PLXDC2: variants seen among roughly 807,000 people sequenced by gnomAD.
The protein encoded by PLXDC2 is plexin domain containing 2, also known as plexin domain-containing protein 2.
A neutral mutation model predicts 68.9 loss-of-function variants in PLXDC2; 40 were observed. The ratio of observed to expected loss-of-function variants is 0.58; its 90% CI spans 0.45 to 0.76. The LOEUF (loss-of-function observed/expected upper bound fraction) is 0.76. Among genes scored for constraint, PLXDC2 ranks in the 30% least tolerant of loss-of-function variants. The pLI is 0.00. For synonymous variants in PLXDC2, 243 were observed against 234.2 expected (o/e 1.04, Z -0.34); for missense variants, 644 against 661.9 (o/e 0.97, Z 0.30).
chr10:19,842,184 T>C (rs758503355), intron 1 of PLXDC2, among the ~76,000 whole-genome samples: 1 of 152,050 alleles, frequency 6.6e-6, no homozygotes, highest in Non-Finnish European at 1.5e-5. Context: ...AGGCTGAGAA[T>C]TGACAAGGAG....
intron 1 of PLXDC2, among the ~76,000 whole-genome samples, chr10:19,955,168 G>A (rs372580045): frequency 8.3e-5 from 12 of 144,548 alleles, no homozygotes; most frequent in East Asian, 2.1e-4. Flanking sequence ...TGGGACTATC[G>A]GCATGCACCA....
intron 4 of PLXDC2, 90 bp from the exon 5 acceptor site, chr10:20,143,205 A>C: frequency 7.5e-7 from 1 of 1,332,658 alleles, no homozygotes; most frequent in Non-Finnish European, 1.0e-6. Flanking sequence ...TTATTTTCAT[A>C]ATATGACTGT....
intron 6 of PLXDC2, among the ~76,000 whole-genome samples, chr10:20,152,803 T>C (rs1056082048): frequency 6.6e-6 from 1 of 152,186 alleles, no homozygotes; most frequent in East Asian, 1.9e-4. Flanking sequence ...GTCATATTTC[T>C]TTGCATGCTA....
Position 19,962,328 on chromosome 10 carries a change from G to A in PLXDC2, c.113-39447G>A, listed in dbSNP as rs1834166374. 4.1e-5 allele frequency among the ~76,000 whole-genome samples: 5 copies of A among 121,164 alleles called. No homozygotes were observed. In the South Asian group the frequency reaches 1.7e-3, roughly 42 times the overall value. The allele number at this position is 121,164 out of a possible 152,430, so 79.5% of individuals were successfully genotyped here. A position where few individuals can be genotyped will look rare whatever the true frequency, so the allele number is the denominator to read the frequency against. ...GTAATATGATAAAATGTGATGAAAA[G>A]GAGGTTCTTTTTTTTTTTTTTTTTT... On this transcript the variant is annotated intron_variant, in intron 1 of 13. Coordinates refer to ENST00000377252, the MANE Select transcript of PLXDC2 (RefSeq NM_032812.9).
intron 2 of PLXDC2, among the ~76,000 whole-genome samples, 167 bp from the exon 3 acceptor site, chr10:20,046,702 G>T (rs769394158): frequency 6.6e-6 from 1 of 151,976 alleles, no homozygotes; most frequent in African/African-American, 2.4e-5. Flanking sequence ...GTATGTGTGT[G>T]TGTGCACATT....
At position 20,288,247 on chromosome 10, in the gene PLXDC2, A is replaced by G. The variant is rs1399263507; in HGVS notation, c.*8428A>G. 6.6e-6 allele frequency: 1 copy of G among 152,166 alleles called. No individual in the cohort carries two copies. 9.4% of individuals were successfully genotyped at this position (152,166 alleles called of 1,614,324 possible). On this transcript the variant is annotated 3_prime_UTR_variant, in exon 14 of 14. Transcript: ENST00000377252. ...TTGGAAAGCCCTGTGTGCCAAACCA[A>G]GGACGTGTCTTTCAGGGAAAGGTTA...
chr10:20,256,344 G>A (rs1224832825), intron 13 of PLXDC2, among the ~76,000 whole-genome samples: 1 of 151,268 alleles, frequency 6.6e-6, no homozygotes, highest in Non-Finnish European at 1.5e-5. Flanking sequence ...TGTTGGCCAG[G>A]CTAGTCTCAA....
chr10:19,833,617 G>T (rs1306983555), intron 1 of PLXDC2, among the ~76,000 whole-genome samples: 2 of 152,162 alleles, frequency 1.3e-5, no homozygotes, highest in Admixed American at 1.3e-4. Flanking sequence ...AAATTCTGCC[G>T]CGTCATCTAC....
intron 9 of PLXDC2, among the ~76,000 whole-genome samples, chr10:20,201,312 C>A (rs533471234): frequency 9.2e-5 from 14 of 152,062 alleles, no homozygotes; most frequent in Admixed American, 1.3e-4. Context: ...GCTACACATT[C>A]TCATTCATAT....
chr10:19,829,910 G>A (rs1167327644), intron 1 of PLXDC2, among the ~76,000 whole-genome samples: 3 of 152,108 alleles, frequency 2.0e-5, no homozygotes, highest in Non-Finnish European at 4.4e-5. Context: ...TACTTTAATC[G>A]GTGTTATCAA....
At position 20,289,026 on chromosome 10, in the gene PLXDC2, A is replaced by G. The variant is rs577349048; in HGVS notation, c.*9207A>G. On this transcript the variant is annotated 3_prime_UTR_variant, in exon 14 of 14. Transcript: ENST00000377252. ...TCATATTTGACTACATATTAAAAAC[A>G]GTAAATGAGCATTTTGTTTTAATTT... 1 of 152,364 alleles carries G rather than the reference A, an allele frequency of 6.6e-6. No homozygotes were observed. Among genetic ancestry groups the G allele is most frequent in the South Asian group, 2.1e-4 (1 of 4,832 alleles). The allele number at this position is 152,364 out of a possible 1,614,324, so 9.4% of individuals were successfully genotyped here.
intron 4 of PLXDC2, among the ~76,000 whole-genome samples, chr10:20,098,466 G>A (rs987907734): frequency 1.3e-5 from 2 of 151,732 alleles, no homozygotes; most frequent in African/African-American, 2.4e-5. Context: ...AGAGAATCCA[G>A]GATGTTCTCC....
intron 7 of PLXDC2, among the ~76,000 whole-genome samples, chr10:20,174,765 A>C (rs1834503752): frequency 6.6e-6 from 1 of 152,124 alleles, no homozygotes; most frequent in African/African-American, 2.4e-5. Context: ...CACATTGTGC[A>C]CATGTACCCT....
chr10:19,964,413 A>G (rs984813361), intron 1 of PLXDC2, among the ~76,000 whole-genome samples: 10 of 152,234 alleles, frequency 6.6e-5, no homozygotes, highest in African/African-American at 2.4e-4. Context: ...TCCAATCTCC[A>G]GCTTCCCATT....
At position 19,824,073 on chromosome 10, in the gene PLXDC2, G is replaced by A. The variant is rs367710824; in HGVS notation, c.112+6882G>A. ...ACAGGGAAGCAGATGAGGATATTCT[G>A]CAATACATTTCACGGTGTCTGCTCC... On this transcript the variant is annotated intron_variant, in intron 1 of 13. Transcript: ENST00000377252. Among the ~76,000 whole-genome samples the A allele has an allele frequency of 2.6e-5, 4 of 152,212 alleles. No homozygotes were observed. In the East Asian group the frequency reaches 7.7e-4, roughly 29 times the overall value.
At chr10:20,173,562 T>C (rs1409742790) in intron 7 of PLXDC2, among the ~76,000 whole-genome samples, 1 of 152,200 alleles carries the variant, frequency 6.6e-6, no homozygotes, top group African/African-American at 2.4e-5. Context: ...ATTTGCACTT[T>C]GCAACACATC....
chr10:20,177,340 T>G lies in PLXDC2; in HGVS notation c.992T>G (p.Phe331Cys). ...TCCTCTTCCCTAGCATGCCTCCAGT[T>G]TAACAGATGTGGCCCCTGTGTATCT... Reference protein sequence around the residue: ...EMTPLPTCLQFNRCGPCVSSQ... With the variant: ...EMTPLPTCLQCNRCGPCVSSQ... Residue 331 changes from phenylalanine to cysteine, a missense_variant, in exon 9 of 14, where the codon TTT (phenylalanine) becomes TGT (cysteine). Physicochemically the swap from Phe to Cys is radical, Grantham distance 205. This residue lies in a region of PLXDC2 where 330 missense variants were observed against 327.9 expected (regional missense o/e 1.01). Coordinates refer to ENST00000377252, the MANE Select transcript of PLXDC2 (RefSeq NM_032812.9). The G allele has an allele frequency of 6.2e-7, 1 of 1,604,746 alleles. No individual in the cohort carries two copies. Among genetic ancestry groups the G allele is most frequent in the Non-Finnish European group, 8.5e-7 (1 of 1,171,828 alleles).
intron 9 of PLXDC2, among the ~76,000 whole-genome samples, chr10:20,201,482 A>G (rs11591599): frequency 0.098 from 14,956 of 152,046 alleles, 902 homozygotes; most frequent in Non-Finnish European, 0.14. Context: ...GTTCTATTTT[A>G]TATACAGTAT....
intron 13 of PLXDC2, among the ~76,000 whole-genome samples, chr10:20,271,611 G>A (rs189414112): frequency 5.3e-4 from 80 of 152,244 alleles, no homozygotes; most frequent in African/African-American, 1.8e-3. Flanking sequence ...TAGAAGATAA[G>A]GATCTGTGCT....
Sources: gnomAD v4.1 joint callset for allele counts (sites outside exome capture counted in the v4.1 genomes callset) on GRCh38, gnomAD v4.1.1 for gene constraint, gnomAD v4.1.1 regional missense constraint, MANE v1.5 for transcripts, NCBI Gene and HGNC (gene_info 2026-07-23, HGNC 2026-07-21) for gene names.